The following ASXL3 variants were observed in gnomAD, a reference collection of about 807,000 sequenced individuals.
ASXL3 encodes the protein putative Polycomb group protein ASXL3.
ASXL3 carries 34 observed loss-of-function variants against 170.6 expected under a neutral mutation model. The ratio of observed to expected loss-of-function variants is 0.20; its 90% CI spans 0.15 to 0.27. The LOEUF is 0.27. Ranked by LOEUF, ASXL3 falls within the 10% of genes least tolerant of loss-of-function variation. The pLI is 1.00. For synonymous variants in ASXL3, 1,002 were observed against 989.1 expected (o/e 1.01, Z -0.24); for missense variants, 2,592 against 2,695.3 (o/e 0.96, Z 0.85).
chr18:33,596,967 C>A lies in ASXL3; in HGVS notation c.55-10627C>A, dbSNP rs1040299536. On this transcript the variant is annotated intron_variant, in intron 1 of 11. Coordinates refer to ENST00000269197, the MANE Select transcript of ASXL3 (RefSeq NM_030632.3). ...AGTAGCTAGGACTAGCACGTGCCAC[C>A]ACGCTTGGCTAATTTTTTTATCTTT... Among the ~76,000 whole-genome samples, 6 of 152,198 alleles carry A rather than the reference C, an allele frequency of 3.9e-5. No individual in the cohort carries two copies. The South Asian group carries it at 1.2e-3, about 32-fold the overall frequency.
At chr18:33,582,642 A>G (rs936893059) in intron 1 of ASXL3, among the ~76,000 whole-genome samples, 1 of 151,632 alleles carries the variant, frequency 6.6e-6, no homozygotes, top group East Asian at 1.9e-4. Flanking sequence ...TGGCTGATTT[A>G]TTTACTTGTA....
chr18:33,608,898 G>A (rs1053688230), intron 2 of ASXL3, among the ~76,000 whole-genome samples: 9 of 151,938 alleles, frequency 5.9e-5, no homozygotes, highest in Admixed American at 1.3e-4. Flanking sequence ...TATTTAGCAA[G>A]GTAGGTCCAT....
intron 8 of ASXL3, among the ~76,000 whole-genome samples, chr18:33,720,455 G>C (rs2067240176): frequency 6.6e-6 from 1 of 152,048 alleles, no homozygotes; most frequent in South Asian, 2.1e-4. Flanking sequence ...TCATGGTTGG[G>C]TACATTGGAA....
rs574964675 is a variant in ASXL3, at chr18:33,744,507, G to A, written c.4659G>A (p.Pro1553=). The A allele has an allele frequency of 1.7e-5, 27 of 1,612,190 alleles. No homozygotes were observed. The highest frequency in any genetic ancestry group is 6.7e-5 in the African/African-American group (5 of 75,012). ...CAAAACAAGACAGTAAAACATTGCCGGCCACCTGCACAAGTCTCCGAGAAT... is the reference window on the plus strand; with the variant it reads ...CAAAACAAGACAGTAAAACATTGCCAGCCACCTGCACAAGTCTCCGAGAAT... ...SAAKQDSKTL[P]ATCTSLRELP... is the part of the protein sequence containing the mutation. The change falls in exon 12 of 12, where the codon CCG becomes CCA. Residue 1553 remains proline (P), a synonymous_variant. Coordinates refer to ENST00000269197, the MANE Select transcript of ASXL3 (RefSeq NM_030632.3).
chr18:33,638,208 A>G (rs1046095435), intron 2 of ASXL3, among the ~76,000 whole-genome samples: 2 of 150,174 alleles, frequency 1.3e-5, no homozygotes, highest in Admixed American at 6.7e-5. Flanking sequence ...TATTTATGAT[A>G]TATATATATT....
rs753432053 is a variant in ASXL3 at position 33,746,294 on chromosome 18, A to T, written c.6446A>T (p.Gln2149Leu). Reference protein sequence around the residue: ...AQKMQVQQQQQLCGNYPTIHF... With the variant: ...AQKMQVQQQQLLCGNYPTIHF... The stretch of plus-strand genomic sequence containing the variant: ...AAAATGCAGGTGCAGCAACAACAGC[A>T]GCTCTGTGGAAATTATCCAACAATA... Residue 2149 changes from glutamine (Q) to leucine (L), a missense_variant, in exon 12 of 12, where the codon CAG becomes CTG. Coordinates refer to ENST00000269197, the MANE Select transcript of ASXL3 (RefSeq NM_030632.3). 9.9e-6 allele frequency: 16 copies of T among 1,613,916 alleles called. No homozygotes were observed. Among genetic ancestry groups the T allele is most frequent in the Non-Finnish European group, 9.3e-6 (11 of 1,179,904 alleles).
chr18:33,595,384 G>T (rs2065116554), intron 1 of ASXL3, among the ~76,000 whole-genome samples: 1 of 152,130 alleles, frequency 6.6e-6, no homozygotes, highest in Non-Finnish European at 1.5e-5. Flanking sequence ...CTAAAGGAAG[G>T]AGATAAGTTA....
At chr18:33,627,997 T>C (rs1333043510) in intron 2 of ASXL3, among the ~76,000 whole-genome samples, 2 of 152,176 alleles carry the variant, frequency 1.3e-5, no homozygotes, top group East Asian at 1.9e-4. Context: ...TGTATGTGTC[T>C]GTAAATATCA....
chr18:33,619,951 G>T (rs369368231), intron 2 of ASXL3, among the ~76,000 whole-genome samples: 21 of 152,156 alleles, frequency 1.4e-4, no homozygotes, highest in Admixed American at 4.6e-4. Flanking sequence ...CAAAGAAAAG[G>T]AGGCCTGAAT....
chr18:33,654,484 C>T (rs753957291), intron 4 of ASXL3, among the ~76,000 whole-genome samples: 1 of 152,072 alleles, frequency 6.6e-6, no homozygotes, highest in East Asian at 1.9e-4. Flanking sequence ...TCCCCTTTAT[C>T]GGAGTTTATA....
At chr18:33,668,832 A>C (rs1032834867) in intron 5 of ASXL3, among the ~76,000 whole-genome samples, 13 of 152,080 alleles carry the variant, frequency 8.5e-5, no homozygotes, top group African/African-American at 2.4e-4. Context: ...TGACTTTATG[A>C]TTCCAGCTTC....
rs550285800 is a variant in ASXL3, at chr18:33,615,830, A to G, written c.137+8154A>G. On this transcript the variant is annotated intron_variant, in intron 2 of 11. Coordinates refer to ENST00000269197, the MANE Select transcript of ASXL3 (RefSeq NM_030632.3). ...ATACTATAGGGCTTATATATGAATG[A>G]TAAAGCCTACATTACACCTTACATT... Among the ~76,000 whole-genome samples the G allele has an allele frequency of 2.0e-5, 3 of 152,168 alleles. No individual in the cohort carries two copies. The South Asian group carries it at 6.2e-4, about 31-fold the overall frequency.
At chr18:33,638,829 C>T (rs2065807183) in intron 2 of ASXL3, among the ~76,000 whole-genome samples, 1 of 152,048 alleles carries the variant, frequency 6.6e-6, no homozygotes, top group African/African-American at 2.4e-5. Context: ...TATAGATGCT[C>T]AATAAATGGT....
intron 8 of ASXL3, among the ~76,000 whole-genome samples, chr18:33,719,707 A>T (rs1363945313): frequency 6.6e-6 from 1 of 151,910 alleles, no homozygotes; most frequent in Non-Finnish European, 1.5e-5. Context: ...CATGAATGGG[A>T]TTAGTTCTCT....
chr18:33,619,303 T>C (rs2145149172), intron 2 of ASXL3, among the ~76,000 whole-genome samples: 1 of 152,236 alleles, frequency 6.6e-6, no homozygotes, highest in East Asian at 1.9e-4. Context: ...GAGTAAACAC[T>C]CCCCTACTGC....
chr18:33,709,310 A>T (rs1352583747), intron 8 of ASXL3, among the ~76,000 whole-genome samples: 1 of 151,902 alleles, frequency 6.6e-6, no homozygotes, highest in South Asian at 2.1e-4. Flanking sequence ...CCAAAAAAAA[A>T]AAAACAACAA....
chr18:33,599,085 C>T (rs888341878), intron 1 of ASXL3, among the ~76,000 whole-genome samples: 2 of 152,024 alleles, frequency 1.3e-5, no homozygotes, highest in Non-Finnish European at 2.9e-5. Context: ...GATTGTTGAG[C>T]TTCATCTCAA....
At position 33,743,336 on chromosome 18, in the gene ASXL3, C is replaced by G; in HGVS notation, c.3488C>G (p.Pro1163Arg). Residue 1163 changes from proline (P) to arginine (R), a missense_variant, in exon 12 of 12, where the codon CCA becomes CGA. Around this residue, in one of 4 missense-constraint regions of ASXL3, gnomAD observed 2,246 missense variants for 2,219.6 expected, o/e 1.01. Transcript: ENST00000269197. The part of the protein sequence containing the change: ...EGSTGVIIVN[P>R]NCRSPSNKSA... ...TCGACTGGTGTCATTATTGTCAATC[C>G]AAACTGTAGATCTCCTAGCAACAAG... is the stretch of plus-strand genomic sequence containing the variant. 6.2e-7 allele frequency: 1 copy of G among 1,613,834 alleles called. No homozygotes were observed. Among genetic ancestry groups the G allele is most frequent in the Non-Finnish European group, 8.5e-7 (1 of 1,179,870 alleles).
At chr18:33,704,053 A>G (rs1166012919) in intron 8 of ASXL3, among the ~76,000 whole-genome samples, 5 of 152,144 alleles carry the variant, frequency 3.3e-5, no homozygotes, top group African/African-American at 1.2e-4. Flanking sequence ...CAAGTATGCC[A>G]AAGGCATTTG....
Sources: gnomAD v4.1 joint callset for allele counts (sites outside exome capture counted in the v4.1 genomes callset) on GRCh38, gnomAD v4.1.1 for gene constraint, gnomAD v4.1.1 regional missense constraint, MANE v1.5 for transcripts, NCBI Gene and HGNC (gene_info 2026-07-23, HGNC 2026-07-21) for gene names.